The following MSH4 variants were observed in gnomAD, a reference collection of about 807,000 sequenced individuals.
The protein encoded by MSH4 is mutS homolog 4.
A neutral mutation model predicts 113.7 loss-of-function variants in MSH4; 106 were observed. That is an observed-to-expected ratio of 0.93 (90% CI 0.80 to 1.10). The LOEUF (loss-of-function observed/expected upper bound fraction) is 1.10, where lower values mean the gene tolerates loss of function less well. Among genes scored for constraint, MSH4 ranks in the 50% least tolerant of loss-of-function variants. The pLI, the probability that MSH4 is intolerant of heterozygous loss-of-function variation, is 0.00. For missense variants in MSH4, 1,061 were observed against 1,093.7 expected (o/e 0.97, Z 0.42); for synonymous variants, 368 against 380.2 (o/e 0.97, Z 0.37).
chr1:75,890,165 G>A (rs1271624742), intron 16 of MSH4, among the ~76,000 whole-genome samples: 2 of 152,014 alleles, frequency 1.3e-5, no homozygotes, highest in Non-Finnish European at 2.9e-5. Context: ...CAGTGGAAAA[G>A]AGCACTTCTG....
chr1:75,816,059 T>C (rs1650285765), intron 5 of MSH4, among the ~76,000 whole-genome samples: 1 of 152,108 alleles, frequency 6.6e-6, no homozygotes, highest in South Asian at 2.1e-4. Context: ...ATTTGAATAC[T>C]TAGAATGGTA....
At chr1:75,808,405 A>T (rs1043400520) in intron 3 of MSH4, among the ~76,000 whole-genome samples, 2 of 152,108 alleles carry the variant, frequency 1.3e-5, no homozygotes, top group African/African-American at 4.8e-5. Context: ...AAAAGTTATT[A>T]TTGCCTATTT....
chr1:75,872,880 C>T (rs547873775), intron 9 of MSH4, among the ~76,000 whole-genome samples: 118 of 152,210 alleles, frequency 7.8e-4, no homozygotes, highest in African/African-American at 2.7e-3. Flanking sequence ...AATCTGATGC[C>T]AGAACAAATC....
At chr1:75,901,928 T>C (rs566023984) in intron 19 of MSH4, among the ~76,000 whole-genome samples, 126 of 152,288 alleles carry the variant, frequency 8.3e-4, no homozygotes, top group Non-Finnish European at 1.4e-3. Flanking sequence ...CATTTTTTCA[T>C]ATACCTGTTG....
chr1:75,904,191 A>T (rs1652570678), intron 19 of MSH4, among the ~76,000 whole-genome samples: 1 of 152,142 alleles, frequency 6.6e-6, no homozygotes, highest in African/African-American at 2.4e-5. Flanking sequence ...ATGTTTTATC[A>T]TTCTGGCATC....
intron 15 of MSH4, among the ~76,000 whole-genome samples, chr1:75,886,737 A>C (rs1557525295): frequency 7.2e-6 from 1 of 138,566 alleles, no homozygotes; most frequent in African/African-American, 2.6e-5. Flanking sequence ...TTATATATAA[A>C]TATATTATAT....
chr1:75,902,169 T>A (rs1430656507), intron 19 of MSH4, among the ~76,000 whole-genome samples: 1 of 152,132 alleles, frequency 6.6e-6, no homozygotes, highest in African/African-American at 2.4e-5. Flanking sequence ...ATGATGTAGT[T>A]GCAATAATAT....
intron 7 of MSH4, among the ~76,000 whole-genome samples, chr1:75,831,186 CAAAG>C (rs1278142838): frequency 2.0e-5 from 3 of 152,050 alleles, no homozygotes; most frequent in East Asian, 1.9e-4. Context: ...TCAAAAGAGA[CAAAG>C]AAGGCCATTA....
chr1:75,806,735 C>G (rs983256733), intron 2 of MSH4, among the ~76,000 whole-genome samples: 1 of 152,060 alleles, frequency 6.6e-6, no homozygotes, highest in Non-Finnish European at 1.5e-5. Flanking sequence ...CTTCTTGGCC[C>G]TTTGCTCTTC....
chr1:75,839,359 C>T (rs985439304), intron 7 of MSH4, among the ~76,000 whole-genome samples: 5 of 151,952 alleles, frequency 3.3e-5, no homozygotes, highest in Non-Finnish European at 5.9e-5. Flanking sequence ...GGATTACAGG[C>T]GCCCACCACC....
At chr1:75,863,718 C>G (rs1557514542) in intron 8 of MSH4, among the ~76,000 whole-genome samples, 2 of 152,270 alleles carry the variant, frequency 1.3e-5, no homozygotes. Context: ...CAGTGCTCAT[C>G]ATGCTTGACC....
intron 8 of MSH4, among the ~76,000 whole-genome samples, chr1:75,854,205 A>C (rs1201833424): frequency 6.6e-6 from 1 of 151,412 alleles, no homozygotes; most frequent in Admixed American, 6.6e-5. Context: ...CTGATGAGAA[A>C]TCCTATTATC....
At chr1:75,885,059 G>GTGTGTGTGTGTATATA (rs1300289205) in intron 15 of MSH4, among the ~76,000 whole-genome samples, 7 of 112,554 alleles carry the variant, frequency 6.2e-5, no homozygotes, top group South Asian at 2.6e-4. Context: ...GTGTGTGTGT[G>GTGTGTGTGTGTATATA]TATATATATA....
chr1:75,809,911 A>C (rs528010549), intron 3 of MSH4, among the ~76,000 whole-genome samples: 1 of 152,186 alleles, frequency 6.6e-6, no homozygotes, highest in Admixed American at 6.5e-5. Flanking sequence ...TTGGCCTCCC[A>C]AAGTGCTGAG....
intron 6 of MSH4, among the ~76,000 whole-genome samples, chr1:75,818,008 G>C (rs1399891418): frequency 6.6e-6 from 1 of 152,104 alleles, no homozygotes; most frequent in African/African-American, 2.4e-5. Flanking sequence ...GTATATACCA[G>C]TTCTGGATCA....
intron 7 of MSH4, among the ~76,000 whole-genome samples, chr1:75,827,168 G>C (rs1227719139): frequency 2.0e-5 from 3 of 152,130 alleles, no homozygotes; most frequent in Non-Finnish European, 4.4e-5. Context: ...AGCAAGAAGA[G>C]AGTGGGGGCC....
chr1:75,889,122 T>A, intron 15 of MSH4, 129 bp from the exon 16 acceptor site: 1 of 510,940 alleles, frequency 2.0e-6, no homozygotes, highest in Non-Finnish European at 3.5e-6. Context: ...TGGGGTCATG[T>A]CTTCTAATGC....
chr1:75,834,508 T>C (rs1222314510), intron 7 of MSH4, among the ~76,000 whole-genome samples: 1 of 152,228 alleles, frequency 6.6e-6, no homozygotes, highest in East Asian at 1.9e-4. Context: ...CTATTCACAG[T>C]AGCAAAGACT....
intron 17 of MSH4, among the ~76,000 whole-genome samples, chr1:75,897,129 A>C (rs942203298): frequency 6.6e-6 from 1 of 152,150 alleles, no homozygotes; most frequent in Non-Finnish European, 1.5e-5. Flanking sequence ...TCAGATCTCT[A>C]TCTGCCTTAG....
Sources: gnomAD v4.1 joint callset for allele counts (sites outside exome capture counted in the v4.1 genomes callset) on GRCh38, gnomAD v4.1.1 for gene constraint, MANE v1.5 for transcripts, NCBI Gene and HGNC (gene_info 2026-07-23, HGNC 2026-07-21) for gene names.